Variants in PLEKHA8 observed in about 807,000 individuals in gnomAD.
The protein encoded by PLEKHA8 is pleckstrin homology domain containing A8, also known as pleckstrin homology domain-containing family A member 8.
PLEKHA8 carries 36 observed loss-of-function variants against 68.2 expected under a neutral mutation model. That is an observed-to-expected ratio of 0.53 (90% confidence interval 0.40 to 0.70). The LOEUF (loss-of-function observed/expected upper bound fraction) is 0.70. Among genes scored for constraint, PLEKHA8 ranks in the 30% least tolerant of loss-of-function variants. PLEKHA8 has a pLI of 0.00. For synonymous variants in PLEKHA8, 211 were observed against 216.1 expected, an observed-to-expected ratio of 0.98 and a Z score of 0.20; for missense variants, 505 against 615.4, an observed-to-expected ratio of 0.82 and a Z score of 1.90.
Position 30,078,662 on chromosome 7 carries a change from A to C in PLEKHA8, c.1435A>C (p.Lys479Gln). The C allele has an allele frequency of 6.2e-7, 1 of 1,613,910 alleles. No homozygotes were observed. The highest frequency in any genetic ancestry group is 8.5e-7 in the Non-Finnish European group (1 of 1,179,854). The change falls in exon 14 of 14, where the codon AAA becomes CAA. Residue 479 changes from lysine to glutamine, a missense_variant. Transcript: ENST00000449726. ...ALTVKEGDHQ[K>Q]EAFSIGMQRD... ...AACCGTAAAGGAAGGTGACCACCAG[A>C]AAGAAGCTTTCAGTATTGGGATGCA...
chr7:30,031,882 A>G (rs1344832134), intron 1 of PLEKHA8, among the ~76,000 whole-genome samples: 2 of 152,166 alleles, frequency 1.3e-5, no homozygotes, highest in Non-Finnish European at 1.5e-5. Flanking sequence ...TCTGAGGTTT[A>G]TGTGAGTGTA....
intron 13 of PLEKHA8, among the ~76,000 whole-genome samples, chr7:30,123,542 G>A (rs538979796): frequency 1.5e-3 from 221 of 152,348 alleles, no homozygotes; most frequent in Non-Finnish European, 2.3e-3. Flanking sequence ...GATTGGCTCA[G>A]AGGTGGGCTT....
intron 13 of PLEKHA8, among the ~76,000 whole-genome samples, chr7:30,107,957 T>C (rs1437399978): frequency 6.7e-6 from 1 of 150,330 alleles, no homozygotes; most frequent in East Asian, 2.0e-4. Context: ...TAATCCCAGC[T>C]ACTCTGTAGG....
chr7:30,058,225 A>T (rs1471896604), intron 9 of PLEKHA8, among the ~76,000 whole-genome samples: 1 of 152,092 alleles, frequency 6.6e-6, no homozygotes, highest in East Asian at 1.9e-4. Context: ...ACATGTGAAT[A>T]TTTTCCCCCA....
downstream of PLEKHA8, among the ~76,000 whole-genome samples, chr7:30,093,537 A>C (rs1352304248): frequency 6.6e-6 from 1 of 152,220 alleles, no homozygotes; most frequent in African/African-American, 2.4e-5. Flanking sequence ...CAGCACTGCC[A>C]CACCCTCACC....
At chr7:30,038,397 A>C (rs1190214250) in intron 1 of PLEKHA8, among the ~76,000 whole-genome samples, 1 of 152,216 alleles carries the variant, frequency 6.6e-6, no homozygotes, top group Non-Finnish European at 1.5e-5. Flanking sequence ...AATATTAGGA[A>C]ATTAAACAGT....
In PLEKHA8 at chr7:30,050,506, TA is replaced by T. The variant is rs752914669; in HGVS notation, c.638+41del. On this transcript the variant is annotated intron_variant, in intron 6 of 13. Coordinates refer to ENST00000449726, the MANE Select transcript of PLEKHA8 (RefSeq NM_001197026.2). Reference sequence around the variant, plus strand: ...TAGCTTTTTTCTTCTTGCTAAAAATTAAAAAAAAATAAGGATATTGTTATTC... The same window carrying T: ...TAGCTTTTTTCTTCTTGCTAAAAATTAAAAAAAATAAGGATATTGTTATTC... 6.4e-4 allele frequency: 967 copies of T among 1,507,496 alleles called. 1 individual carries two copies. Among genetic ancestry groups the T allele is most frequent in the Non-Finnish European group, 7.1e-4 (798 of 1,126,422 alleles). 93.4% of individuals were successfully genotyped at this position (1,507,496 alleles called of 1,614,324 possible).
chr7:30,054,875 A>G lies in PLEKHA8; in HGVS notation c.953+10A>G, dbSNP rs1463470570. On this transcript the variant is annotated intron_variant, in intron 8 of 13. Coordinates refer to ENST00000449726, the MANE Select transcript of PLEKHA8 (RefSeq NM_001197026.2). Reference sequence around the variant, plus strand: ...GTACCATGAACACAAGGTATTCTAGACTCTTTAATATCACTGATGCTTGGA... The same window carrying G: ...GTACCATGAACACAAGGTATTCTAGGCTCTTTAATATCACTGATGCTTGGA... 6.9e-6 allele frequency: 11 copies of G among 1,587,418 alleles called. No individual in the cohort carries two copies. In the Admixed American group the frequency reaches 1.3e-4, roughly 18 times the overall value.
Position 30,084,465 on chromosome 7 carries a change from C to T in PLEKHA8, c.*5678C>T, listed in dbSNP as rs1795094059. ...TTACTTAGAATATAATATGTTGGAG[C>T]CTCTTGGGACCAACCGATGAGCGAC... On this transcript the variant is annotated 3_prime_UTR_variant, in exon 14 of 14. Transcript: ENST00000449726. The T allele has an allele frequency of 3.0e-6, 3 of 984,910 alleles. No individual in the cohort carries two copies. Among genetic ancestry groups the T allele is most frequent in the South Asian group, 4.7e-5 (1 of 21,278 alleles). The allele number at this position is 984,910 out of a possible 1,614,324, so 61.0% of individuals were successfully genotyped here.
At chr7:30,127,471 T>C (rs1040949655) in intron 13 of PLEKHA8, among the ~76,000 whole-genome samples, 1 of 152,248 alleles carries the variant, frequency 6.6e-6, no homozygotes, top group Non-Finnish European at 1.5e-5. Context: ...TTGTAAGTGA[T>C]TAATACTATA....
chr7:30,101,491 C>T (rs1795852310), intron 13 of PLEKHA8, among the ~76,000 whole-genome samples: 1 of 152,096 alleles, frequency 6.6e-6, no homozygotes, highest in African/African-American at 2.4e-5. Context: ...GCTGTGTCCT[C>T]ACATGGAGGA....
chr7:30,036,457 T>C lies in PLEKHA8; in HGVS notation c.40+7655T>C, dbSNP rs184187395. 4.5e-4 allele frequency among the ~76,000 whole-genome samples: 64 copies of C among 142,266 alleles called. 1 individual carries two copies. The highest frequency in any genetic ancestry group is 3.6e-3 in the Middle Eastern group (1 of 280). The allele number at this position is 142,266 out of a possible 152,430, so 93.3% of individuals were successfully genotyped here. ...ATAGATAGATAGATAGATAGATAGA[T>C]AGATAGATTAGATAGAGAAATAATG... is the stretch of plus-strand genomic sequence containing the variant. On this transcript the variant is annotated intron_variant, in intron 1 of 13. Transcript: ENST00000449726.
chr7:30,060,969 A>T (rs1255043427), intron 10 of PLEKHA8, 27 bp downstream of exon 10: 1 of 1,600,520 alleles, frequency 6.2e-7, no homozygotes, highest in Non-Finnish European at 8.5e-7. Context: ...GTCTCTGTGG[A>T]AACTTTTAAA....
At chr7:30,126,845 CT>C (rs1210391234) in intron 13 of PLEKHA8, among the ~76,000 whole-genome samples, 2 of 152,186 alleles carry the variant, frequency 1.3e-5, no homozygotes, top group African/African-American at 4.8e-5. Flanking sequence ...ACAGGAAAGA[CT>C]CGCCCCCATG....
chr7:30,095,490 A>T (rs1226168792), downstream of PLEKHA8, among the ~76,000 whole-genome samples: 2 of 152,134 alleles, frequency 1.3e-5, no homozygotes, highest in Non-Finnish European at 2.9e-5. Context: ...GTTCACTCTG[A>T]TGGTAGTTTC....
intron 5 of PLEKHA8, among the ~76,000 whole-genome samples, chr7:30,049,593 A>G (rs1792245941): frequency 6.6e-6 from 1 of 152,198 alleles, no homozygotes; most frequent in African/African-American, 2.4e-5. Context: ...TTTCTAATGT[A>G]GCCTCTTTCC....
chr7:30,086,917 G>C (rs1337768385), downstream of PLEKHA8, among the ~76,000 whole-genome samples: 2 of 152,166 alleles, frequency 1.3e-5, no homozygotes, highest in East Asian at 3.8e-4. Context: ...ACAAAATAGA[G>C]ATAACCACCT....
At chr7:30,084,714 T>C (rs1183037714), downstream of PLEKHA8, 4 of 814,942 alleles carry the variant, frequency 4.9e-6, no homozygotes, top group Non-Finnish European at 5.9e-6. Context: ...AAAAGTCTCG[T>C]TTATGGAACA....
intron 13 of PLEKHA8, chr7:30,117,874 A>G: frequency 1.2e-6 from 1 of 812,746 alleles, no homozygotes; most frequent in Non-Finnish European, 1.9e-6. Context: ...TAACTACACA[A>G]CTCTACTTCC....
Sources: allele counts gnomAD v4.1 joint callset (sites outside exome capture counted in the v4.1 genomes callset), GRCh38; gene constraint gnomAD v4.1.1; transcripts MANE v1.5; gene names NCBI Gene and HGNC (gene_info 2026-07-23, HGNC 2026-07-21).